The following SLC25A11 variants were observed in gnomAD, a reference collection of about 807,000 sequenced individuals.
The protein encoded by SLC25A11 is mitochondrial 2-oxoglutarate/malate carrier protein.
In SLC25A11, 11 loss-of-function variants were observed where a neutral mutation model predicts 32.7. That is an observed-to-expected ratio of 0.34 (90% CI 0.21 to 0.56). The LOEUF (loss-of-function observed/expected upper bound fraction) is 0.56. SLC25A11 is among the 20% of genes least tolerant of loss of function. The pLI is 0.90. For synonymous variants in SLC25A11, 163 were observed against 168.3 expected (o/e 0.97, Z 0.24); for missense variants, 295 against 426.3 (o/e 0.69, Z 2.71).
In SLC25A11 at chr17:4,939,442, G is replaced by T; in HGVS notation, c.96-230C>A. On this transcript the variant is annotated intron_variant, in intron 1 of 7. Transcript: ENST00000225665. The surrounding 1 kb of genome is among the most constrained non-coding windows in gnomAD (Gnocchi z 4.1). ...ATGAAAGTGCTCCAAGCAGCTTCAT[G>T]ACAGTCAAGCAGTGACCTGGGGCTG... 2 of 597,160 alleles carry T rather than the reference G, an allele frequency of 3.3e-6. No homozygotes were observed. The highest frequency in any genetic ancestry group is 4.2e-5 in the South Asian group (2 of 47,812). The allele number at this position is 597,160 out of a possible 1,614,324, so 37.0% of individuals were successfully genotyped here.
chr17:4,938,806 C>G lies in SLC25A11; in HGVS notation c.418G>C (p.Ala140Pro). The G allele has an allele frequency of 6.2e-7, 1 of 1,613,546 alleles. No homozygotes were observed. Among genetic ancestry groups the G allele is most frequent in the Non-Finnish European group, 8.5e-7 (1 of 1,179,566 alleles). ...GTCATGCGGATAAGAGCCACTTCGGCTGGTGTTCCCACAAAGGCACCAGTG... is the reference window on the plus strand; with the variant it reads ...GTCATGCGGATAAGAGCCACTTCGGGTGGTGTTCCCACAAAGGCACCAGTG... ...GATGAFVGTP[A>P]EVALIRMTAD... The change falls in exon 3 of 8, where the codon GCC becomes CCC. Residue 140 changes from alanine (A) to proline (P), a missense_variant. By Grantham distance (27) the Ala-to-Pro change is conservative. Transcript: ENST00000225665. The surrounding 1 kb of genome is among the most constrained non-coding windows in gnomAD (Gnocchi z 7.6).
Position 4,939,093 on chromosome 17 carries a change from A to G in SLC25A11, c.215T>C (p.Leu72Pro). 6.2e-7 allele frequency: 1 copy of G among 1,614,208 alleles called. No homozygotes were observed. The highest frequency in any genetic ancestry group is 8.5e-7 in the Non-Finnish European group (1 of 1,180,034). Residue 72 changes from leucine (L) to proline (P), a missense_variant, in exon 2 of 8, where the codon CTG becomes CCG. Coordinates refer to ENST00000225665, the MANE Select transcript of SLC25A11 (RefSeq NM_003562.5). The surrounding 1 kb of genome is among the most constrained non-coding windows in gnomAD (Gnocchi z 4.1). ...KTSFHALTSI[L>P]KAEGLRGIYT... Reference sequence around the variant, plus strand: ...AATGCCCCTCAGGCCTTCTGCCTTCAGGATACTGGTGAGGGCATGGAAGCT... The same window carrying G: ...AATGCCCCTCAGGCCTTCTGCCTTCGGGATACTGGTGAGGGCATGGAAGCT...
chr17:4,939,480 C>T lies in SLC25A11; in HGVS notation c.96-268G>A, dbSNP rs896741274. 5.0e-5 allele frequency: 29 copies of T among 577,692 alleles called. No individual in the cohort carries two copies. The African/African-American group carries it at 5.1e-4, about 10-fold the overall frequency. 35.8% of individuals were successfully genotyped at this position (577,692 alleles called of 1,614,324 possible). A position where few individuals can be genotyped will look rare whatever the true frequency, so the allele number is the denominator to read the frequency against. ...TGACCTGGGGCTGCACGCAGTCCGA[C>T]ACAGGGAGGGGAGGAAGGGGCATCC... is the stretch of plus-strand genomic sequence containing the variant. On this transcript the variant is annotated intron_variant, in intron 1 of 7. Transcript: ENST00000225665. The surrounding 1 kb of genome is among the most constrained non-coding windows in gnomAD (Gnocchi z 4.1).
Position 4,937,698 on chromosome 17 carries a change from AGTGGCT to A in SLC25A11, c.*37_*42del. The A allele has an allele frequency of 6.4e-7, 1 of 1,557,976 alleles. No individual in the cohort carries two copies. Among genetic ancestry groups the A allele is most frequent in the East Asian group, 2.3e-5 (1 of 44,366 alleles). ...AGCAGAGCCCAGGCCCCCAGGGCGCAGTGGCTATAGGCGCAGCAGGCGAGTGGGAGC... is the reference window on the plus strand; with the variant it reads ...AGCAGAGCCCAGGCCCCCAGGGCGCAATAGGCGCAGCAGGCGAGTGGGAGC... On this transcript the variant is annotated 3_prime_UTR_variant, in exon 8 of 8. Transcript: ENST00000225665.
rs2151110388 is a variant in SLC25A11, at chr17:4,937,839, T to C, written c.847A>G (p.Thr283Ala). ...GGGCCCAGGCGGGCATAGTACGGCG[T>C]GAAGCCCTTCCACAGGCTGAAGAAG... ...EGFFSLWKGFTPYYARLGPHT... is the reference protein window; with the variant it reads ...EGFFSLWKGFAPYYARLGPHT... Residue 283 changes from threonine (T) to alanine (A), a missense_variant, in exon 8 of 8, where the codon ACG becomes GCG. Transcript: ENST00000225665. 6.2e-7 allele frequency: 1 copy of C among 1,614,158 alleles called. No individual in the cohort carries two copies. Among genetic ancestry groups the C allele is most frequent in the East Asian group, 2.2e-5 (1 of 44,886 alleles).
Position 4,938,094 on chromosome 17 carries a change from G to T in SLC25A11, c.738-20C>A, listed in dbSNP as rs376682690. ...TGGATTCTGCAGGAGAGGACGCAGG[G>T]GCATGAGAGACCGAAAGGGCACCCT... On this transcript the variant is annotated intron_variant, in intron 6 of 7. Coordinates refer to ENST00000225665, the MANE Select transcript of SLC25A11 (RefSeq NM_003562.5). The surrounding 1 kb of genome is among the most constrained non-coding windows in gnomAD (Gnocchi z 7.6). 83 of 1,614,140 alleles carry T rather than the reference G, an allele frequency of 5.1e-5. No individual in the cohort carries two copies. In the African/African-American group the frequency reaches 9.9e-4, roughly 19 times the overall value.
intron 7 of SLC25A11, 61 bp from the exon 8 acceptor site, chr17:4,937,957 G>A: frequency 6.2e-7 from 1 of 1,613,308 alleles, no homozygotes; most frequent in Non-Finnish European, 8.5e-7. Context: ...CCCTCACCCA[G>A]CTGCCTTCAC....
chr17:4,938,448 G>A lies in SLC25A11; in HGVS notation c.547-19C>T. The A allele has an allele frequency of 1.2e-6, 2 of 1,614,022 alleles. No individual in the cohort carries two copies. The highest frequency in any genetic ancestry group is 1.7e-6 in the Non-Finnish European group (2 of 1,179,928). Reference sequence around the variant, plus strand: ...TGCAGCCCTGGAGGGAGGGGAGCGGGGAAGAGTCAGAAACCCCTAAAACCA... The same window carrying A: ...TGCAGCCCTGGAGGGAGGGGAGCGGAGAAGAGTCAGAAACCCCTAAAACCA... On this transcript the variant is annotated intron_variant, in intron 4 of 7. Transcript: ENST00000225665. This position sits in a 1 kb window ranked among gnomAD's most constrained non-coding sequence, Gnocchi z 7.6.
chr17:4,937,737 C>T lies in SLC25A11; in HGVS notation c.*4G>A, dbSNP rs778939143. The T allele has an allele frequency of 1.9e-6, 3 of 1,601,998 alleles. No individual in the cohort carries two copies. The highest frequency in any genetic ancestry group is 1.3e-5 in the African/African-American group (1 of 74,488). ...CAGCAGGCGAGTGGGAGCCCCCGGC[C>T]GCTTCAGCCACTGAGGAAGAGACGC... On this transcript the variant is annotated 3_prime_UTR_variant, in exon 8 of 8. Transcript: ENST00000225665.
In SLC25A11 at chr17:4,939,094, G is replaced by C. The variant is rs367957531; in HGVS notation, c.214C>G (p.Leu72Val). Residue 72 changes from leucine (L) to valine (V), a missense_variant, in exon 2 of 8, where the codon CTG becomes GTG. Transcript: ENST00000225665. This position sits in a 1 kb window ranked among gnomAD's most constrained non-coding sequence, Gnocchi z 4.1. The part of the protein sequence containing the change: ...KTSFHALTSI[L>V]KAEGLRGIYT... Reference sequence around the variant, plus strand: ...ATGCCCCTCAGGCCTTCTGCCTTCAGGATACTGGTGAGGGCATGGAAGCTG... The same window carrying C: ...ATGCCCCTCAGGCCTTCTGCCTTCACGATACTGGTGAGGGCATGGAAGCTG... 1 of 1,614,234 alleles carries C rather than the reference G, an allele frequency of 6.2e-7. No homozygotes were observed. Among genetic ancestry groups the C allele is most frequent in the Non-Finnish European group, 8.5e-7 (1 of 1,180,046 alleles).
Position 4,938,280 on chromosome 17 carries a change from G to A in SLC25A11, c.638-27C>T, listed in dbSNP as rs1970479153. Reference sequence around the variant, plus strand: ...TGGGGGAGGTGAGGCGGGGGTGGCAGTCAGCTCAGAGGTGGCTCAGGCCAG... The same window carrying A: ...TGGGGGAGGTGAGGCGGGGGTGGCAATCAGCTCAGAGGTGGCTCAGGCCAG... On this transcript the variant is annotated intron_variant, in intron 5 of 7. Transcript: ENST00000225665. The surrounding 1 kb of genome is among the most constrained non-coding windows in gnomAD (Gnocchi z 7.6). The A allele has an allele frequency of 6.2e-7, 1 of 1,612,414 alleles. No individual in the cohort carries two copies. The highest frequency in any genetic ancestry group is 1.3e-5 in the African/African-American group (1 of 75,038).
chr17:4,938,272 G>T lies in SLC25A11; in HGVS notation c.638-19C>A. ...AAGTAGCCTGGGGGAGGTGAGGCGG[G>T]GGTGGCAGTCAGCTCAGAGGTGGCT... On this transcript the variant is annotated intron_variant, in intron 5 of 7. Coordinates refer to ENST00000225665, the MANE Select transcript of SLC25A11 (RefSeq NM_003562.5). The surrounding 1 kb of genome is among the most constrained non-coding windows in gnomAD (Gnocchi z 7.6). 1 of 1,612,660 alleles carries T rather than the reference G, an allele frequency of 6.2e-7. No homozygotes were observed. Among genetic ancestry groups the T allele is most frequent in the South Asian group, 1.1e-5 (1 of 91,022 alleles).
At chr17:4,937,919 C>A in intron 7 of SLC25A11, 23 bp from the exon 8 acceptor site, 2 of 1,612,486 alleles carry the variant, frequency 1.2e-6, no homozygotes, top group Non-Finnish European at 1.7e-6. Flanking sequence ...AGGCAGGGCG[C>A]TGGGGCTAGG....
At position 4,938,580 on chromosome 17, in the gene SLC25A11, C is replaced by A. The variant is rs1311263340; in HGVS notation, c.478G>T (p.Gly160Cys). 3 of 1,613,972 alleles carry A rather than the reference C, an allele frequency of 1.9e-6. No homozygotes were observed. The highest frequency in any genetic ancestry group is 2.7e-5 in the African/African-American group (2 of 74,920). ...DGRLPADQRRGYKNVFNALIR... is the reference protein window; with the variant it reads ...DGRLPADQRRCYKNVFNALIR... Reference sequence around the variant, plus strand: ...AGGGCGTTAAACACATTTTTGTAGCCACGGCGCTGGTCAGCTGGAAGCCTG... The same window carrying A: ...AGGGCGTTAAACACATTTTTGTAGCAACGGCGCTGGTCAGCTGGAAGCCTG... Residue 160 changes from glycine to cysteine, a missense_variant, in exon 4 of 8, where the codon GGC (glycine) becomes TGC (cysteine). Gly to Cys is a radical substitution (Grantham distance 159). Transcript: ENST00000225665. The surrounding 1 kb of genome is among the most constrained non-coding windows in gnomAD (Gnocchi z 7.6).
rs961793410 is a variant in SLC25A11 at position 4,938,106 on chromosome 17, C to T, written c.738-32G>A. The T allele has an allele frequency of 1.7e-5, 28 of 1,613,996 alleles. No individual in the cohort carries two copies. Among genetic ancestry groups the T allele is most frequent in the East Asian group, 8.9e-5 (4 of 44,904 alleles). ...GAGAGGACGCAGGGGCATGAGAGAC[C>T]GAAAGGGCACCCTCCCACCCACCTC... On this transcript the variant is annotated intron_variant, in intron 6 of 7. Transcript: ENST00000225665. This position sits in a 1 kb window ranked among gnomAD's most constrained non-coding sequence, Gnocchi z 7.6.
In SLC25A11 at chr17:4,938,474, G is replaced by C; in HGVS notation, c.546+38C>G. ...GAAGAGTCAGAAACCCCTAAAACCA[G>C]ACCTCACAGCCCCCAAGTCTCCAGC... On this transcript the variant is annotated intron_variant, in intron 4 of 7. Coordinates refer to ENST00000225665, the MANE Select transcript of SLC25A11 (RefSeq NM_003562.5). This position sits in a 1 kb window ranked among gnomAD's most constrained non-coding sequence, Gnocchi z 7.6. The C allele has an allele frequency of 3.1e-6, 5 of 1,613,648 alleles. No homozygotes were observed. The highest frequency in any genetic ancestry group is 4.2e-6 in the Non-Finnish European group (5 of 1,179,604).
Position 4,937,659 on chromosome 17 carries a change from G to C in SLC25A11, c.*82C>G, listed in dbSNP as rs1970454291. On this transcript the variant is annotated 3_prime_UTR_variant, in exon 8 of 8. Coordinates refer to ENST00000225665, the MANE Select transcript of SLC25A11 (RefSeq NM_003562.5). ...CCACACTGTGGAAGGGAAATAAATA[G>C]AGGGGTCCAGGGCAGCAGAGCCCAG... 6.8e-7 allele frequency: 1 copy of C among 1,460,304 alleles called. No individual in the cohort carries two copies. Among genetic ancestry groups the C allele is most frequent in the South Asian group, 1.4e-5 (1 of 73,372 alleles). The allele number at this position is 1,460,304 out of a possible 1,614,324, so 90.5% of individuals were successfully genotyped here. A position where few individuals can be genotyped will look rare whatever the true frequency, so the allele number is the denominator to read the frequency against.
Position 4,939,029 on chromosome 17 carries a change from C to T in SLC25A11, c.248+31G>A. 6.2e-7 allele frequency: 1 copy of T among 1,614,234 alleles called. No homozygotes were observed. Among genetic ancestry groups the T allele is most frequent in the Non-Finnish European group, 8.5e-7 (1 of 1,180,030 alleles). ...GCCAAGGTCTAGAGCTGCCAACCCACAGTCTACCCTCCATCCTGAGGCCCC... is the reference window on the plus strand; with the variant it reads ...GCCAAGGTCTAGAGCTGCCAACCCATAGTCTACCCTCCATCCTGAGGCCCC... On this transcript the variant is annotated intron_variant, in intron 2 of 7. Transcript: ENST00000225665. This position sits in a 1 kb window ranked among gnomAD's most constrained non-coding sequence, Gnocchi z 4.1.
rs1032440058 is a variant in SLC25A11, at chr17:4,939,553, G to C, written c.95+263C>G. 7 of 579,496 alleles carry C rather than the reference G, an allele frequency of 1.2e-5. No individual in the cohort carries two copies. In the African/African-American group the frequency reaches 1.3e-4, roughly 11 times the overall value. 35.9% of individuals were successfully genotyped at this position (579,496 alleles called of 1,614,324 possible). A position where few individuals can be genotyped will look rare whatever the true frequency, so the allele number is the denominator to read the frequency against. On this transcript the variant is annotated intron_variant, in intron 1 of 7. Transcript: ENST00000225665. The surrounding 1 kb of genome is among the most constrained non-coding windows in gnomAD (Gnocchi z 4.1). Reference sequence around the variant, plus strand: ...CCTGCAGGAGCCATTTAATGGCCTGGAACCCCCTGCCGCCCGGCCGAGCTT... The same window carrying C: ...CCTGCAGGAGCCATTTAATGGCCTGCAACCCCCTGCCGCCCGGCCGAGCTT...
Sources: gnomAD v4.1 joint callset for allele counts on GRCh38, gnomAD v4.1.1 for gene constraint, Gnocchi (gnomAD v3.1) non-coding constraint, MANE v1.5 for transcripts, NCBI Gene and HGNC (gene_info 2026-07-23, HGNC 2026-07-21) for gene names.